Variants in ZNG1E observed in about 807,000 individuals in gnomAD.
The protein encoded by ZNG1E is zinc-regulated GTPase metalloprotein activator 1E.
chr9:65,723,128 AG>A, the ZNG1E span: 1 of 405,050 alleles, frequency 2.5e-6, no homozygotes, highest in African/African-American at 2.5e-5. Flanking sequence ...AAAAATGAGA[AG>A]GTGAGAATCT....
chr9:65,659,108 G>A, the ZNG1E span, among the ~76,000 whole-genome samples: 95 of 152,268 alleles, frequency 6.2e-4, no homozygotes, highest in Non-Finnish European at 1.1e-3. Flanking sequence ...AAGACAGGAA[G>A]TACTCATACC....
chr9:65,687,791 G>T, the ZNG1E span, among the ~76,000 whole-genome samples: 1 of 138,046 alleles, frequency 7.2e-6, no homozygotes, highest in African/African-American at 2.5e-5. Flanking sequence ...CTCCTTGAAG[G>T]CACTTTTTTT....
the ZNG1E span, among the ~76,000 whole-genome samples, chr9:65,657,566 G>C: frequency 1.2e-4 from 18 of 152,270 alleles, no homozygotes; most frequent in African/African-American, 3.6e-4. Flanking sequence ...GTTACCAGAG[G>C]CTGGAAGGGT....
At chr9:65,675,385 T>C in the ZNG1E span, among the ~76,000 whole-genome samples, 1 of 150,118 alleles carries the variant, frequency 6.7e-6, no homozygotes, top group Non-Finnish European at 1.5e-5. Flanking sequence ...GATGCATGAA[T>C]ACTAAAAATT....
the ZNG1E span, among the ~76,000 whole-genome samples, chr9:65,685,066 A>T: frequency 6.9e-6 from 1 of 145,806 alleles, no homozygotes; most frequent in Non-Finnish European, 1.5e-5. Flanking sequence ...AAAAAAAAAA[A>T]AAAGCTGTGT....
At chr9:65,715,301 A>G in the ZNG1E span, among the ~76,000 whole-genome samples, 3 of 150,082 alleles carry the variant, frequency 2.0e-5, no homozygotes, top group Non-Finnish European at 4.4e-5. Flanking sequence ...ACTGTCTGGC[A>G]CTCCCTAGTG....
chr9:65,715,225 C>G, the ZNG1E span, among the ~76,000 whole-genome samples: 1 of 146,810 alleles, frequency 6.8e-6, no homozygotes, highest in East Asian at 2.0e-4. Flanking sequence ...CCGTGCTTCC[C>G]AAGTGAGACA....
the ZNG1E span, among the ~76,000 whole-genome samples, chr9:65,684,685 T>A: frequency 6.6e-6 from 1 of 152,118 alleles, no homozygotes; most frequent in South Asian, 2.1e-4. Flanking sequence ...TTGTTAGAAA[T>A]GCAAATTCTT....
the ZNG1E span, among the ~76,000 whole-genome samples, chr9:65,693,653 G>T: frequency 6.9e-6 from 1 of 144,872 alleles, no homozygotes; most frequent in Non-Finnish European, 1.5e-5. Context: ...CACCTCCCAG[G>T]TTCAAGCGAT....
At chr9:65,671,454 G>T in the ZNG1E span, among the ~76,000 whole-genome samples, 1 of 151,886 alleles carries the variant, frequency 6.6e-6, no homozygotes, top group African/African-American at 2.4e-5. Context: ...CGAGTAGCTG[G>T]GACTACAGGC....
At chr9:65,658,772 G>A in the ZNG1E span, among the ~76,000 whole-genome samples, 1 of 110,600 alleles carries the variant, frequency 9.0e-6, no homozygotes, top group African/African-American at 4.0e-5. Context: ...CAGCAGTTTC[G>A]TTTTTCCTGA....
At chr9:65,723,028 C>CA in the ZNG1E span, 1 of 402,012 alleles carries the variant, frequency 2.5e-6, no homozygotes, top group South Asian at 1.8e-5. Context: ...ACTTACTTAA[C>CA]AAAAAATAAC....
At chr9:65,719,995 A>G in the ZNG1E span, 23 of 1,596,652 alleles carry the variant, frequency 1.4e-5, no homozygotes, top group East Asian at 4.3e-4. Flanking sequence ...TATAAAGTTA[A>G]ATCAGAAGTG....
the ZNG1E span, among the ~76,000 whole-genome samples, chr9:65,654,893 G>A: frequency 6.8e-6 from 1 of 147,860 alleles, no homozygotes; most frequent in Non-Finnish European, 1.5e-5. Flanking sequence ...TCATAAATAA[G>A]ATTAATATTG....
At chr9:65,658,099 C>CAA in the ZNG1E span, among the ~76,000 whole-genome samples, 55 of 47,338 alleles carry the variant, frequency 1.2e-3, no homozygotes, top group African/African-American at 4.2e-3. Context: ...AACTCCGTCT[C>CAA]AAAAAAAAAA....
the ZNG1E span, among the ~76,000 whole-genome samples, chr9:65,661,526 CAA>C: frequency 6.6e-6 from 1 of 152,242 alleles, no homozygotes; most frequent in Non-Finnish European, 1.5e-5. Flanking sequence ...CTAGAATATT[CAA>C]AGTTTATGTT....
the ZNG1E span, among the ~76,000 whole-genome samples, chr9:65,717,388 GA>G: frequency 6.8e-6 from 1 of 147,110 alleles, no homozygotes; most frequent in African/African-American, 2.6e-5. Context: ...CTAATTCTGG[GA>G]GGTTAAGAGC....
At chr9:65,667,303 C>T in the ZNG1E span, among the ~76,000 whole-genome samples, 3 of 152,180 alleles carry the variant, frequency 2.0e-5, no homozygotes, top group Non-Finnish European at 2.9e-5. Flanking sequence ...TATGAAAGTA[C>T]ATGTGTAAAT....
the ZNG1E span, among the ~76,000 whole-genome samples, chr9:65,662,490 A>G: frequency 6.6e-6 from 1 of 152,150 alleles, no homozygotes; most frequent in South Asian, 2.1e-4. Flanking sequence ...AACATTCAGG[A>G]AAGCACAGTG....
Sources: allele counts gnomAD v4.1 joint callset (sites outside exome capture counted in the v4.1 genomes callset), GRCh38; gene constraint gnomAD v4.1.1; transcripts MANE v1.5; gene names NCBI Gene and HGNC (gene_info 2026-07-23, HGNC 2026-07-21).